Variants in GALNTL6 observed in about 807,000 individuals in gnomAD.
GALNTL6 encodes polypeptide N-acetylgalactosaminyltransferase-like 6.
Under a neutral mutation model 73.7 loss-of-function variants are expected in GALNTL6, and 46 were observed. That is an observed-to-expected ratio of 0.62 (90% confidence interval 0.49 to 0.80). GALNTL6 has a LOEUF of 0.80. Ranked by LOEUF, GALNTL6 falls within the 30% of genes least tolerant of loss-of-function variation. The pLI is 0.00. For missense variants in GALNTL6, 604 were observed against 755.0 expected, an observed-to-expected ratio of 0.80 and a Z score of 2.34; for synonymous variants, 259 against 263.7, an observed-to-expected ratio of 0.98 and a Z score of 0.17.
chr4:172,841,172 A>G (rs1743185078), intron 7 of GALNTL6, among the ~76,000 whole-genome samples: 1 of 152,224 alleles, frequency 6.6e-6, no homozygotes, highest in Admixed American at 6.5e-5. Flanking sequence ...TTGCATTTCC[A>G]TGAAGCCTCA....
intron 3 of GALNTL6, among the ~76,000 whole-genome samples, chr4:172,305,878 G>T (rs1311684901): frequency 6.6e-6 from 1 of 152,074 alleles, no homozygotes; most frequent in Admixed American, 6.6e-5. Flanking sequence ...TATCTCATGA[G>T]ATTCATCACT....
rs116975016 is a variant in GALNTL6, at chr4:172,845,924, C to T, written c.923+32201C>T. 7.8e-3 allele frequency among the ~76,000 whole-genome samples: 1,190 copies of T among 152,202 alleles called. 34 individuals are homozygous for T. In the East Asian group the frequency reaches 0.097, roughly 12 times the overall value. On this transcript the variant is annotated intron_variant, in intron 7 of 12. Transcript: ENST00000506823. ...ATAAAAGTTTTCCAAATAGTCATAACCTTTGGTTCATAAATATAAGTTCTA... is the reference window on the plus strand; with the variant it reads ...ATAAAAGTTTTCCAAATAGTCATAATCTTTGGTTCATAAATATAAGTTCTA...
chr4:172,890,803 C>T (rs570911249), intron 8 of GALNTL6, among the ~76,000 whole-genome samples: 1 of 151,940 alleles, frequency 6.6e-6, no homozygotes, highest in Non-Finnish European at 1.5e-5. Flanking sequence ...TTGAATAGTC[C>T]CTATTATTGT....
rs143882915 is a variant in GALNTL6 at position 171,953,940 on chromosome 4, CTTA to C, written c.138+139227_138+139229del. 8.8e-3 allele frequency among the ~76,000 whole-genome samples: 1,342 copies of C among 152,056 alleles called. 25 individuals carry two copies. The highest frequency in any genetic ancestry group is 0.031 in the African/African-American group (1,280 of 41,490). ...TTACAATGGAAAAATTTAAACAAAT[CTTA>C]TTATGGGTTTCTGGTATACATATTA... On this transcript the variant is annotated intron_variant, in intron 2 of 12. Coordinates refer to ENST00000506823, the MANE Select transcript of GALNTL6 (RefSeq NM_001034845.3).
At chr4:172,954,675 C>T (rs142024478) in intron 10 of GALNTL6, among the ~76,000 whole-genome samples, 1 of 152,074 alleles carries the variant, frequency 6.6e-6, no homozygotes, top group Non-Finnish European at 1.5e-5. Context: ...AATATGTTGC[C>T]CATGCTGATC....
At chr4:172,389,287 C>T (rs1020362209) in intron 5 of GALNTL6, among the ~76,000 whole-genome samples, 1 of 151,188 alleles carries the variant, frequency 6.6e-6, no homozygotes, top group African/African-American at 2.4e-5. Context: ...TTAAAAATAA[C>T]AGCAGAAAAA....
chr4:172,226,633 A>G (rs1736878929), intron 2 of GALNTL6, among the ~76,000 whole-genome samples: 1 of 150,824 alleles, frequency 6.6e-6, no homozygotes, highest in Non-Finnish European at 1.5e-5. Flanking sequence ...TCCCACAGAG[A>G]CATCCTTTCT....
intron 4 of GALNTL6, among the ~76,000 whole-genome samples, chr4:172,337,028 T>C (rs967646254): frequency 2.0e-5 from 3 of 152,206 alleles, no homozygotes; most frequent in African/African-American, 4.8e-5. Flanking sequence ...AATGTCCTTC[T>C]TTTTCCCTTT....
intron 7 of GALNTL6, among the ~76,000 whole-genome samples, chr4:172,837,323 G>A (rs1034760393): frequency 6.6e-6 from 1 of 152,066 alleles, no homozygotes; most frequent in Non-Finnish European, 1.5e-5. Context: ...TTTGAATATA[G>A]AGTACATAGC....
At chr4:172,819,596 G>A (rs1741811114) in intron 7 of GALNTL6, among the ~76,000 whole-genome samples, 1 of 152,194 alleles carries the variant, frequency 6.6e-6, no homozygotes, top group Non-Finnish European at 1.5e-5. Flanking sequence ...CACACGTGAT[G>A]AAGGGGAAAT....
chr4:172,588,463 G>A lies in GALNTL6; in HGVS notation c.554-220898G>A, dbSNP rs551104018. Reference sequence around the variant, plus strand: ...ACAAAACTTAGCTGAGCGTGGTGGCGTGTACCTGTTGCCCCAGCTACTTGG... The same window carrying A: ...ACAAAACTTAGCTGAGCGTGGTGGCATGTACCTGTTGCCCCAGCTACTTGG... On this transcript the variant is annotated intron_variant, in intron 5 of 12. Transcript: ENST00000506823. Among the ~76,000 whole-genome samples, 25 of 151,182 alleles carry A rather than the reference G, an allele frequency of 1.7e-4. 1 individual carries two copies. In the South Asian group the frequency reaches 4.4e-3, roughly 27 times the overall value.
chr4:172,275,611 A>G (rs561168966), intron 3 of GALNTL6, among the ~76,000 whole-genome samples: 3 of 152,356 alleles, frequency 2.0e-5, no homozygotes, highest in Non-Finnish European at 4.4e-5. Context: ...TTACTTATTA[A>G]AAGGCTTTCT....
At chr4:171,999,627 T>C (rs145368826) in intron 2 of GALNTL6, among the ~76,000 whole-genome samples, 161 of 152,264 alleles carry the variant, frequency 1.1e-3, no homozygotes, top group African/African-American at 3.8e-3. Context: ...AAAATGTTCA[T>C]CTCTCTACTA....
chr4:172,581,863 G>C (rs1579210068), intron 5 of GALNTL6, among the ~76,000 whole-genome samples: 1 of 152,182 alleles, frequency 6.6e-6, no homozygotes, highest in Non-Finnish European at 1.5e-5. Flanking sequence ...CTCTGAAGGA[G>C]GTAAAAGTCT....
At chr4:171,982,333 T>C (rs893780660) in intron 2 of GALNTL6, among the ~76,000 whole-genome samples, 1 of 152,186 alleles carries the variant, frequency 6.6e-6, no homozygotes, top group African/African-American at 2.4e-5. Context: ...AGTCTCGCTC[T>C]GTCACCCAGG....
At chr4:172,593,430 A>G (rs758732956) in intron 5 of GALNTL6, among the ~76,000 whole-genome samples, 21 of 152,234 alleles carry the variant, frequency 1.4e-4, no homozygotes, top group Non-Finnish European at 2.9e-4. Flanking sequence ...CTAATGGCAT[A>G]GAATATACAA....
At chr4:171,921,136 C>T (rs1159191449) in intron 2 of GALNTL6, among the ~76,000 whole-genome samples, 1 of 151,782 alleles carries the variant, frequency 6.6e-6, no homozygotes, top group Non-Finnish European at 1.5e-5. Context: ...TTTTTAATGC[C>T]TTTTTAGTTA....
chr4:171,940,539 G>C (rs1578990701), intron 2 of GALNTL6, among the ~76,000 whole-genome samples: 2 of 151,948 alleles, frequency 1.3e-5, no homozygotes, highest in Non-Finnish European at 2.9e-5. Flanking sequence ...AAGAGGTGAA[G>C]GGCCAGGCGC....
chr4:172,931,395 A>G (rs527763170), intron 9 of GALNTL6, 127 bp downstream of exon 9: 7 of 669,780 alleles, frequency 1.0e-5, no homozygotes, highest in Non-Finnish European at 1.6e-5. Flanking sequence ...TGCTTCTCAG[A>G]GTCTTATTTC....
Sources: allele counts gnomAD v4.1 joint callset (sites outside exome capture counted in the v4.1 genomes callset), GRCh38; gene constraint gnomAD v4.1.1; transcripts MANE v1.5; gene names NCBI Gene and HGNC (gene_info 2026-07-23, HGNC 2026-07-21).